The following TRPM1 variants were observed in gnomAD, a reference collection of about 807,000 sequenced individuals.
TRPM1 encodes TRPM1-203 APA Isoform, Intron 10.
Under a neutral mutation model 149.4 loss-of-function variants are expected in TRPM1, and 113 were observed. The observed-to-expected ratio is 0.76, with a 90% confidence interval of 0.65 to 0.88. The LOEUF is 0.88. TRPM1 is among the 40% of genes least tolerant of loss of function. The pLI, the probability that TRPM1 is intolerant of heterozygous loss-of-function variation, is 0.00. For missense variants in TRPM1, 1,976 were observed against 2,038.7 expected (o/e 0.97, Z 0.59); for synonymous variants, 741 against 759.5 (o/e 0.98, Z 0.40).
intron 1 of TRPM1, among the ~76,000 whole-genome samples, chr15:31,083,455 G>C (rs1465947633): frequency 2.0e-5 from 3 of 152,180 alleles, no homozygotes; most frequent in African/African-American, 7.2e-5. Context: ...GTGGCGGCGG[G>C]TTCCCACATG....
At chr15:31,135,882 A>G (rs529488764) in intron 1 of TRPM1, among the ~76,000 whole-genome samples, 15 of 152,134 alleles carry the variant, frequency 9.9e-5, no homozygotes, top group Non-Finnish European at 1.8e-4. Flanking sequence ...CTTCCTATAC[A>G]GCCTGCAGAA....
intron 1 of TRPM1, among the ~76,000 whole-genome samples, chr15:31,113,522 C>A (rs1051367316): frequency 2.6e-5 from 4 of 151,696 alleles, no homozygotes; most frequent in African/African-American, 9.7e-5. Flanking sequence ...TCCAAACTGT[C>A]AAAAAACATT....
intron 3 of TRPM1, 116 bp from the exon 4 acceptor site, chr15:31,070,342 C>A (rs996771008): frequency 5.2e-6 from 5 of 966,872 alleles, no homozygotes; most frequent in Non-Finnish European, 8.3e-6. Flanking sequence ...CCTACTAACA[C>A]TTCAGTAAGC....
chr15:31,052,343 G>A (rs1034445371), intron 11 of TRPM1, among the ~76,000 whole-genome samples: 1 of 152,190 alleles, frequency 6.6e-6, no homozygotes, highest in African/African-American at 2.4e-5. Context: ...GTGACAGAGT[G>A]ACACCGCATC....
rs1172595353 is a variant in TRPM1 at position 31,061,523 on chromosome 15, G to A, written c.1090-9C>T. ...ATTCTGAACACAGTGACCTGAAAAT[G>A]TGAAAAGACTGAATTAAAGCCAAGT... is the stretch of plus-strand genomic sequence containing the variant. On this transcript the variant is annotated splice_polypyrimidine_tract_variant and intron_variant, in intron 9 of 27. Transcript: ENST00000256552. The A allele has an allele frequency of 1.1e-5, 18 of 1,613,986 alleles. No homozygotes were observed. Among genetic ancestry groups the A allele is most frequent in the Non-Finnish European group, 1.4e-5 (16 of 1,179,906 alleles).
At chr15:31,128,339 A>C (rs1043200979) in intron 1 of TRPM1, among the ~76,000 whole-genome samples, 1 of 151,774 alleles carries the variant, frequency 6.6e-6, no homozygotes, top group Admixed American at 6.6e-5. Flanking sequence ...CCCCTCCCAC[A>C]TTTTCTAGCC....
chr15:31,159,721 C>T (rs2036421918), intron 1 of TRPM1, among the ~76,000 whole-genome samples: 1 of 152,138 alleles, frequency 6.6e-6, no homozygotes, highest in African/African-American at 2.4e-5. Flanking sequence ...CAGAGACTTG[C>T]AAACACCTGG....
intron 1 of TRPM1, among the ~76,000 whole-genome samples, chr15:31,128,518 G>A (rs764716352): frequency 2.0e-5 from 3 of 152,152 alleles, no homozygotes; most frequent in Non-Finnish European, 4.4e-5. Flanking sequence ...CCCAAGCCTC[G>A]GGAGCTCTTT....
At chr15:31,047,063 A>T in intron 15 of TRPM1, 48 bp downstream of exon 15, 1 of 1,612,686 alleles carries the variant, frequency 6.2e-7, no homozygotes, top group South Asian at 1.1e-5. Flanking sequence ...GCGAGGAACC[A>T]CATGGTACTC....
chr15:31,112,023 A>T (rs114371755), intron 1 of TRPM1, among the ~76,000 whole-genome samples: 1,635 of 152,308 alleles, frequency 0.011, 26 homozygotes, highest in African/African-American at 0.038. Context: ...CTTTTGAAAA[A>T]ATCTTTGGAA....
chr15:31,112,713 T>TTC (rs2035707525), intron 1 of TRPM1, among the ~76,000 whole-genome samples: 1 of 152,168 alleles, frequency 6.6e-6, no homozygotes. Flanking sequence ...ACTCGGCCTC[T>TTC]TAGAGCTCAG....
chr15:31,015,931 C>T (rs777554703), intron 27 of TRPM1, among the ~76,000 whole-genome samples: 24 of 151,964 alleles, frequency 1.6e-4, no homozygotes, highest in Admixed American at 1.1e-3. Flanking sequence ...GCAAACATGC[C>T]GTCATCATCA....
At position 31,032,911 on chromosome 15, in the gene TRPM1, G is replaced by T. The variant is rs2033160407; in HGVS notation, c.2730C>A (p.Ser910Arg). 1.9e-6 allele frequency: 3 copies of T among 1,614,066 alleles called. No homozygotes were observed. The highest frequency in any genetic ancestry group is 1.7e-5 in the Admixed American group (1 of 60,000). Residue 910 changes from serine to arginine, a missense_variant, in exon 22 of 28, where the codon AGC becomes AGA. Physicochemically the swap from Ser to Arg is moderately radical, Grantham distance 110 (BLOSUM62 -1). This residue lies in a region of TRPM1 where 1,332 missense variants were observed against 1,347.1 expected (regional missense o/e 0.99). Transcript: ENST00000256552. ...CCTGAAGCCAAACTTTGATTTTCTGGCTGAGTTTGCCTGGTTCTGACATGA... is the reference window on the plus strand; with the variant it reads ...CCTGAAGCCAAACTTTGATTTTCTGTCTGAGTTTGCCTGGTTCTGACATGA... ...EILMSEPGKL[S>R]QKIKVWLQEY...
At chr15:31,075,939 T>C (rs2034676157) in intron 3 of TRPM1, among the ~76,000 whole-genome samples, 1 of 151,956 alleles carries the variant, frequency 6.6e-6, no homozygotes. Context: ...AGGAGGCTTG[T>C]ATGTGAGCCC....
At chr15:31,020,673 C>G (rs1425705223) in intron 27 of TRPM1, among the ~76,000 whole-genome samples, 1 of 152,206 alleles carries the variant, frequency 6.6e-6, no homozygotes, top group East Asian at 1.9e-4. Context: ...ACACTTTGCC[C>G]ATGCCTAGTT....
chr15:31,038,155 C>G lies in TRPM1; in HGVS notation c.2328G>C (p.Gly776=), dbSNP rs781641238. 1 of 1,614,040 alleles carries G rather than the reference C, an allele frequency of 6.2e-7. No individual in the cohort carries two copies. The highest frequency in any genetic ancestry group is 8.5e-7 in the Non-Finnish European group (1 of 1,179,988). Residue 776 remains glycine, a synonymous_variant, in exon 19 of 28, where the codon GGG becomes GGC. Coordinates refer to ENST00000256552, the MANE Select transcript of TRPM1 (RefSeq NM_001252024.2). ...RKNPGLKVIM[G]ILLPPTILFL... is the part of the protein sequence containing the mutation. Reference sequence around the variant, plus strand: ...ACAAGATGGTGGGGGGTAGAAGAATCCCCATGATAACCTACGGAACATAAA... The same window carrying G: ...ACAAGATGGTGGGGGGTAGAAGAATGCCCATGATAACCTACGGAACATAAA...
chr15:31,016,974 CACACACACACACACAA>C (rs2032377230), intron 27 of TRPM1, among the ~76,000 whole-genome samples: 1 of 133,574 alleles, frequency 7.5e-6, no homozygotes, highest in Admixed American at 7.3e-5. Context: ...CACACACACA[CACACACACACACACAA>C]AAAAAAAACT....
At chr15:31,127,186 C>A (rs1335250172) in intron 1 of TRPM1, among the ~76,000 whole-genome samples, 1 of 152,140 alleles carries the variant, frequency 6.6e-6, no homozygotes, top group Non-Finnish European at 1.5e-5. Context: ...CTGACCTTGA[C>A]TGTGGAGAAG....
chr15:31,104,185 C>A (rs1017935738), upstream of TRPM1, among the ~76,000 whole-genome samples: 3 of 152,122 alleles, frequency 2.0e-5, no homozygotes, highest in African/African-American at 7.2e-5. Context: ...CATGGGGGAG[C>A]CATGAGGACA....
Sources: gnomAD v4.1 joint callset for allele counts (sites outside exome capture counted in the v4.1 genomes callset) on GRCh38, gnomAD v4.1.1 for gene constraint, gnomAD v4.1.1 regional missense constraint, MANE v1.5 for transcripts, NCBI Gene and HGNC (gene_info 2026-07-23, HGNC 2026-07-21) for gene names.